The following GYPE variants were observed in gnomAD, a reference collection of about 807,000 sequenced individuals.
GYPE encodes the protein glycophorin E (MNS blood group).
Under a neutral mutation model 11.6 loss-of-function variants are expected in GYPE, and 8 were observed. That is an observed-to-expected ratio of 0.69 (90% confidence interval 0.41 to 1.25). GYPE has a LOEUF of 1.25. GYPE is among the 50% of genes most tolerant of loss of function. The pLI is 0.01. For missense variants in GYPE, 90 were observed against 92.8 expected (o/e 0.97, Z 0.12); for synonymous variants, 28 against 29.6 (o/e 0.94, Z 0.18).
intron 1 of GYPE, among the ~76,000 whole-genome samples, chr4:143,901,256 CAAAT>C (rs1440588548): frequency 6.6e-6 from 1 of 152,040 alleles, no homozygotes; most frequent in Non-Finnish European, 1.5e-5. Context: ...ATAAATATCA[CAAAT>C]AAATTGTATA....
At chr4:143,904,907 T>G (rs367895924) in intron 1 of GYPE, among the ~76,000 whole-genome samples, 17 of 152,304 alleles carry the variant, frequency 1.1e-4, no homozygotes, top group South Asian at 4.1e-4. Flanking sequence ...TTAATGGATT[T>G]AAATTTCTCC....
rs58488402 is a variant in GYPE, at chr4:143,894,912, T to C, written c.37+10559A>G. 8.4e-3 allele frequency among the ~76,000 whole-genome samples: 1,272 copies of C among 152,228 alleles called. 17 individuals are homozygous for C. Among genetic ancestry groups the C allele is most frequent in the African/African-American group, 0.029 (1,189 of 41,520 alleles). ...GAACCAAAGACAAAAACCACATGATTATCTCAATAGATGCAGAAAAGGCCT... is the reference window on the plus strand; with the variant it reads ...GAACCAAAGACAAAAACCACATGATCATCTCAATAGATGCAGAAAAGGCCT... On this transcript the variant is annotated intron_variant, in intron 1 of 3. Transcript: ENST00000358615.
At chr4:143,872,855 C>A (rs1743664562) in intron 3 of GYPE, among the ~76,000 whole-genome samples, 1 of 137,372 alleles carries the variant, frequency 7.3e-6, no homozygotes, top group South Asian at 2.4e-4. Flanking sequence ...TGGTTGCAAC[C>A]AAATGACAGG....
intron 1 of GYPE, among the ~76,000 whole-genome samples, chr4:143,903,531 A>AAG (rs1272450016): frequency 2.0e-5 from 3 of 149,656 alleles, no homozygotes; most frequent in African/African-American, 5.0e-5. Flanking sequence ...TAGCAAAAAA[A>AAG]AAAAAAAAAA....
intron 1 of GYPE, among the ~76,000 whole-genome samples, chr4:143,901,750 A>T (rs1744876394): frequency 6.6e-6 from 1 of 152,084 alleles, no homozygotes; most frequent in African/African-American, 2.4e-5. Flanking sequence ...ATAGTCTCAT[A>T]GATGTTTTGA....
chr4:143,890,897 AACAG>A (rs1202070354), intron 1 of GYPE, among the ~76,000 whole-genome samples: 1 of 151,560 alleles, frequency 6.6e-6, no homozygotes, highest in Admixed American at 6.6e-5. Flanking sequence ...CAGTGTGTGA[AACAG>A]ACAGAGTTGA....
At chr4:143,873,688 CAT>C (rs1422519112) in intron 3 of GYPE, among the ~76,000 whole-genome samples, 6 of 152,208 alleles carry the variant, frequency 3.9e-5, no homozygotes, top group African/African-American at 1.4e-4. Context: ...GAACTCTAGT[CAT>C]AAAATTTGGA....
intron 1 of GYPE, among the ~76,000 whole-genome samples, chr4:143,892,016 ACTT>A (rs1186362307): frequency 6.6e-6 from 1 of 152,276 alleles, no homozygotes; most frequent in East Asian, 1.9e-4. Flanking sequence ...CAGAGATTCA[ACTT>A]CTTCCTGGTT....
In GYPE at chr4:143,905,338, C is replaced by T. The variant is rs1745017932; in HGVS notation, c.37+133G>A. 4.9e-6 allele frequency: 7 copies of T among 1,422,888 alleles called. No homozygotes were observed. The South Asian group carries it at 5.7e-5, about 12-fold the overall frequency. The allele number at this position is 1,422,888 out of a possible 1,614,324, so 88.1% of individuals were successfully genotyped here. A position where few individuals can be genotyped will look rare whatever the true frequency, so the allele number is the denominator to read the frequency against. ...GTAGCTGAGTTCCAGTAAAATCCAT[C>T]CACCAGACTGGAAGAGGAAATACTA... On this transcript the variant is annotated intron_variant, in intron 1 of 3. Transcript: ENST00000358615.
chr4:143,896,760 A>G (rs1329817049), intron 1 of GYPE, among the ~76,000 whole-genome samples: 2 of 152,350 alleles, frequency 1.3e-5, no homozygotes, highest in Non-Finnish European at 2.9e-5. Context: ...ACCAACCCAA[A>G]TGTCCAACAA....
rs796875342 is a variant in GYPE, at chr4:143,879,341, C to G, written c.136+1070G>C. On this transcript the variant is annotated intron_variant, in intron 2 of 3. Transcript: ENST00000358615. The stretch of plus-strand genomic sequence containing the variant: ...ACAATTTTCTAGAGTTTAATTATTA[C>G]AAATTACTTAGTATATACTACGTTG... Among the ~76,000 whole-genome samples the G allele has an allele frequency of 4.9e-4, 74 of 152,298 alleles. 3 individuals carry two copies. The highest frequency in any genetic ancestry group is 1.8e-3 in the African/African-American group (73 of 41,544).
At chr4:143,896,114 A>G (rs1329916961) in intron 1 of GYPE, among the ~76,000 whole-genome samples, 2 of 152,070 alleles carry the variant, frequency 1.3e-5, no homozygotes, top group Non-Finnish European at 2.9e-5. Flanking sequence ...CTTCATGTCT[A>G]AAACACCAAA....
At chr4:143,898,086 G>C (rs2149915581) in intron 1 of GYPE, among the ~76,000 whole-genome samples, 1 of 152,240 alleles carries the variant, frequency 6.6e-6, no homozygotes, top group South Asian at 2.1e-4. Context: ...AGTCAAAAGA[G>C]ATAGGTTACA....
intron 1 of GYPE, among the ~76,000 whole-genome samples, chr4:143,897,041 A>C (rs1247958672): frequency 3.9e-5 from 6 of 152,126 alleles, no homozygotes; most frequent in Admixed American, 3.9e-4. Flanking sequence ...TAGCATTAAG[A>C]GATATACCTA....
chr4:143,903,083 G>A (rs192941359), intron 1 of GYPE, among the ~76,000 whole-genome samples: 37 of 152,038 alleles, frequency 2.4e-4, no homozygotes, highest in African/African-American at 8.0e-4. Context: ...CTTGTTCCAC[G>A]TTTAGCATAA....
chr4:143,885,019 G>T (rs1344164043), intron 1 of GYPE, among the ~76,000 whole-genome samples: 7 of 151,144 alleles, frequency 4.6e-5, no homozygotes, highest in Non-Finnish European at 1.0e-4. Context: ...GAGCTTTGCA[G>T]TAGAGGGTCC....
intron 3 of GYPE, among the ~76,000 whole-genome samples, chr4:143,876,272 C>A (rs1443301851): frequency 6.6e-6 from 1 of 152,078 alleles, no homozygotes; most frequent in Non-Finnish European, 1.5e-5. Context: ...CACCACCACG[C>A]CTTTCTAATT....
At chr4:143,903,534 A>AAG (rs1744944217) in intron 1 of GYPE, among the ~76,000 whole-genome samples, 2 of 149,160 alleles carry the variant, frequency 1.3e-5, no homozygotes, top group Admixed American at 6.7e-5. Flanking sequence ...CAAAAAAAAA[A>AAG]AAAAAAAAGA....
chr4:143,891,774 C>G (rs1352440405), intron 1 of GYPE, among the ~76,000 whole-genome samples: 1 of 152,118 alleles, frequency 6.6e-6, no homozygotes, highest in Non-Finnish European at 1.5e-5. Context: ...GAAACCCAAT[C>G]AACAGTGCTA....
Sources: allele counts gnomAD v4.1 joint callset (sites outside exome capture counted in the v4.1 genomes callset), GRCh38; gene constraint gnomAD v4.1.1; transcripts MANE v1.5; gene names NCBI Gene and HGNC (gene_info 2026-07-23, HGNC 2026-07-21).